Variants in MKNK2 observed in about 807,000 individuals in gnomAD.
MKNK2 encodes the protein MAPK interacting serine/threonine kinase 2, also known as MAP kinase-interacting serine/threonine-protein kinase 2.
Under a neutral mutation model 55.0 loss-of-function variants are expected in MKNK2, and 54 were observed. That is an observed-to-expected ratio of 0.98 (90% confidence interval 0.79 to 1.23). MKNK2 has a LOEUF of 1.23. Ranked by LOEUF, MKNK2 falls within the 50% of genes most tolerant of loss-of-function variation. The pLI is 0.00. For missense variants in MKNK2, 685 were observed against 632.1 expected (o/e 1.08, Z -0.90); for synonymous variants, 323 against 256.0 (o/e 1.26, Z -2.50).
chr19:2,042,741 G>A, intron 8 of MKNK2, 25 bp downstream of exon 8: 1 of 1,553,534 alleles, frequency 6.4e-7, no homozygotes. Flanking sequence ...GGCCCTAGGA[G>A]ACTCCGGGCG....
At chr19:2,048,086 G>A (rs558270345) in intron 2 of MKNK2, among the ~76,000 whole-genome samples, 1 of 152,236 alleles carries the variant, frequency 6.6e-6, no homozygotes, top group African/African-American at 2.4e-5. Context: ...GCCCTGCCCA[G>A]ACCACATCCT....
At chr19:2,048,322 G>A (rs912474832) in intron 2 of MKNK2, among the ~76,000 whole-genome samples, 1 of 152,162 alleles carries the variant, frequency 6.6e-6, no homozygotes, top group African/African-American at 2.4e-5. Context: ...GCTTTGCCCA[G>A]CCCCCGTGGA....
chr19:2,050,877 G>A lies in MKNK2; in HGVS notation c.-26C>T. The A allele has an allele frequency of 6.6e-7, 1 of 1,507,536 alleles. No homozygotes were observed. Among genetic ancestry groups the A allele is most frequent in the Non-Finnish European group, 8.9e-7 (1 of 1,128,624 alleles). 93.4% of individuals were successfully genotyped at this position (1,507,536 alleles called of 1,614,324 possible). A position where few individuals can be genotyped will look rare whatever the true frequency, so the allele number is the denominator to read the frequency against. Reference sequence around the variant, plus strand: ...CTTCTGTCCGGGCCCCGCCAGCGGGGGAGGGGACCGAGGGCCCGGGGGGAG... The same window carrying A: ...CTTCTGTCCGGGCCCCGCCAGCGGGAGAGGGGACCGAGGGCCCGGGGGGAG... On this transcript the variant is annotated 5_prime_UTR_variant, in exon 2 of 14. Coordinates refer to ENST00000250896, the MANE Select transcript of MKNK2 (RefSeq NM_199054.3).
intron 5 of MKNK2, among the ~76,000 whole-genome samples, chr19:2,043,835 G>A (rs1394856701): frequency 1.3e-5 from 2 of 152,080 alleles, no homozygotes; most frequent in African/African-American, 4.8e-5. Context: ...TTAGCTGGGT[G>A]TGGTGGTACA....
In MKNK2 at chr19:2,041,207, G is replaced by C. The variant is rs1433838468; in HGVS notation, c.946-3C>G. The C allele has an allele frequency of 4.3e-6, 7 of 1,611,046 alleles. No homozygotes were observed. Among genetic ancestry groups the C allele is most frequent in the Non-Finnish European group, 5.9e-6 (7 of 1,178,146 alleles). On this transcript the variant is annotated splice_region_variant and splice_polypyrimidine_tract_variant and intron_variant, in intron 11 of 13. Transcript: ENST00000250896. Reference sequence around the variant, plus strand: ...TGGATGCTCTCAAACAGCATGTTCTGGGGACATAGAACACAGGGGAGCTTA... The same window carrying C: ...TGGATGCTCTCAAACAGCATGTTCTCGGGACATAGAACACAGGGGAGCTTA...
At position 2,046,739 on chromosome 19, in the gene MKNK2, C is replaced by T. The variant is rs778263475; in HGVS notation, c.52-48G>A. ...GGCACTCAGGCCCCATCCCTGCCCA[C>T]GCAGCAGGGAGACCTATCCTGCCCC... On this transcript the variant is annotated intron_variant, in intron 2 of 13. Coordinates refer to ENST00000250896, the MANE Select transcript of MKNK2 (RefSeq NM_199054.3). 62 of 1,395,376 alleles carry T rather than the reference C, an allele frequency of 4.4e-5. No individual in the cohort carries two copies. In the East Asian group the frequency reaches 8.3e-4, roughly 19 times the overall value. The allele number at this position is 1,395,376 out of a possible 1,614,324, so 86.4% of individuals were successfully genotyped here. A position where few individuals can be genotyped will look rare whatever the true frequency, so the allele number is the denominator to read the frequency against.
At chr19:2,046,142 C>T (rs762159977) in intron 5 of MKNK2, 44 bp downstream of exon 5, 20 of 1,575,362 alleles carry the variant, frequency 1.3e-5, no homozygotes, top group Admixed American at 3.3e-5. Context: ...CGCTCAACAC[C>T]GATCCCAAGG....
chr19:2,043,553 C>T lies in MKNK2; in HGVS notation c.369G>A (p.Arg123=), dbSNP rs2016937885. 1 of 1,614,096 alleles carries T rather than the reference C, an allele frequency of 6.2e-7. No homozygotes were observed. Among genetic ancestry groups the T allele is most frequent in the African/African-American group, 1.3e-5 (1 of 75,034 alleles). ...TCTCCACCTCCCTGAAAACCCTGCT[C>T]CGAATGTGGCCTGGCTGCTTCTCAA... The part of the protein sequence containing the change: ...KIIEKQPGHI[R]SRVFREVEML... The change falls in exon 6 of 14, where the codon CGG becomes CGA. Residue 123 remains arginine, a synonymous_variant. Transcript: ENST00000250896.
Position 2,038,996 on chromosome 19 carries a change from G to A in MKNK2, c.*617C>T, listed in dbSNP as rs151164086. 6 of 986,066 alleles carry A rather than the reference G, an allele frequency of 6.1e-6. No individual in the cohort carries two copies. Among genetic ancestry groups the A allele is most frequent in the Admixed American group, 6.1e-5 (1 of 16,320 alleles). The allele number at this position is 986,066 out of a possible 1,614,324, so 61.1% of individuals were successfully genotyped here. A position where few individuals can be genotyped will look rare whatever the true frequency, so the allele number is the denominator to read the frequency against. On this transcript the variant is annotated 3_prime_UTR_variant, in exon 14 of 14. Coordinates refer to ENST00000250896, the MANE Select transcript of MKNK2 (RefSeq NM_199054.3). ...CAACTATCATGGGGACAAGGCAGGC[G>A]CGGGTGAAGGGCTGGGGGATCCCAT...
intron 7 of MKNK2, 105 bp downstream of exon 7, chr19:2,043,019 G>A (rs2016925978): frequency 1.5e-6 from 2 of 1,294,806 alleles, no homozygotes; most frequent in Non-Finnish European, 1.1e-6. Context: ...CACCATTTGG[G>A]CAGGACACTC....
Position 2,046,618 on chromosome 19 carries a change from C to T in MKNK2, c.125G>A (p.Cys42Tyr). The T allele has an allele frequency of 6.4e-7, 1 of 1,568,088 alleles. No homozygotes were observed. Among genetic ancestry groups the T allele is most frequent in the East Asian group, 2.3e-5 (1 of 43,374 alleles). Reference protein sequence around the residue: ...DHGDSDFGLQCSARPDMPASQ... With the variant: ...DHGDSDFGLQYSARPDMPASQ... The stretch of plus-strand genomic sequence containing the variant: ...GGGCCCCTCACCAGGGCGGGCTGAG[C>T]ACTGCAGGCCAAAGTCAGAGTCTCC... Residue 42 changes from cysteine (C) to tyrosine (Y), a missense_variant, in exon 3 of 14, where the codon TGC (cysteine) becomes TAC (tyrosine). Cys to Tyr is a radical substitution (Grantham distance 194). Coordinates refer to ENST00000250896, the MANE Select transcript of MKNK2 (RefSeq NM_199054.3).
chr19:2,040,240 G>A (rs1482651428), intron 12 of MKNK2, 63 bp from the exon 13 acceptor site: 24 of 1,397,570 alleles, frequency 1.7e-5, no homozygotes, highest in East Asian at 2.4e-5. Flanking sequence ...GGCGCTGGGT[G>A]GGGTGTCTGG....
chr19:2,037,996 G>A lies in MKNK2; in HGVS notation c.*1617C>T, dbSNP rs1236420977. On this transcript the variant is annotated 3_prime_UTR_variant, in exon 14 of 14. Coordinates refer to ENST00000250896, the MANE Select transcript of MKNK2 (RefSeq NM_199054.3). ...GAAACATGGAATCACTGACAGGCGAGAAGTGATGGGGGAAAGGGGTGGGCG... is the reference window on the plus strand; with the variant it reads ...GAAACATGGAATCACTGACAGGCGAAAAGTGATGGGGGAAAGGGGTGGGCG... 3 of 1,369,040 alleles carry A rather than the reference G, an allele frequency of 2.2e-6. No individual in the cohort carries two copies. Among genetic ancestry groups the A allele is most frequent in the Non-Finnish European group, 2.8e-6 (3 of 1,053,630 alleles). The allele number at this position is 1,369,040 out of a possible 1,614,324, so 84.8% of individuals were successfully genotyped here.
rs756411912 is a variant in MKNK2, at chr19:2,037,757, G to T, written c.*1856C>A. 103 of 1,601,894 alleles carry T rather than the reference G, an allele frequency of 6.4e-5. No homozygotes were observed. Among genetic ancestry groups the T allele is most frequent in the Non-Finnish European group, 8.5e-5 (100 of 1,172,376 alleles). ...AGGATCTTCACTCATTCACAGTAAC[G>T]GTTCTGACCAGTCCTCCAGGTCGCA... On this transcript the variant is annotated 3_prime_UTR_variant, in exon 14 of 14. Coordinates refer to ENST00000250896, the MANE Select transcript of MKNK2 (RefSeq NM_199054.3).
chr19:2,041,773 G>C (rs2016888877), intron 11 of MKNK2, 67 bp downstream of exon 11: 1 of 1,347,576 alleles, frequency 7.4e-7, no homozygotes, highest in African/African-American at 1.5e-5. Context: ...CCTGGGGTTA[G>C]GGGGTGTTCA....
At chr19:2,039,958 C>A in intron 13 of MKNK2, 102 bp from the exon 14 acceptor site, 2 of 1,442,946 alleles carry the variant, frequency 1.4e-6, no homozygotes, top group East Asian at 2.3e-5. Context: ...GCCCCCCTCC[C>A]AGCCCCCACC....
chr19:2,046,338 C>G lies in MKNK2; in HGVS notation c.241+29G>C, dbSNP rs200750466. 1.9e-6 allele frequency: 3 copies of G among 1,604,622 alleles called. No homozygotes were observed. The South Asian group carries it at 3.3e-5, about 18-fold the overall frequency. On this transcript the variant is annotated intron_variant, in intron 4 of 13. Coordinates refer to ENST00000250896, the MANE Select transcript of MKNK2 (RefSeq NM_199054.3). Reference sequence around the variant, plus strand: ...GACCCTGGCTTTTCCCCGCTCCCGGCTCCCCCAATGCCCGCCATCCCCGCT... The same window carrying G: ...GACCCTGGCTTTTCCCCGCTCCCGGGTCCCCCAATGCCCGCCATCCCCGCT...
intron 11 of MKNK2, 134 bp from the exon 12 acceptor site, chr19:2,041,338 G>A (rs1187635254): frequency 8.0e-6 from 7 of 870,660 alleles, no homozygotes; most frequent in Admixed American, 5.7e-5. Context: ...GGCAGAGGGG[G>A]CTGGGAGCCG....
In MKNK2 at chr19:2,040,564, CAG is replaced by C. The variant is rs1458490383; in HGVS notation, c.1111-389_1111-388del. 140 of 290,178 alleles carry C rather than the reference CAG, an allele frequency of 4.8e-4. 1 individual carries two copies. The East Asian group carries it at 8.6e-3, about 18-fold the overall frequency. The allele number at this position is 290,178 out of a possible 1,614,324, so 18.0% of individuals were successfully genotyped here. A position where few individuals can be genotyped will look rare whatever the true frequency, so the allele number is the denominator to read the frequency against. ...GCCCCCAGCCCCTCGCCTGGGGACA[CAG>C]AGTGACCCCAGCTTCTATTTTTAGT... On this transcript the variant is annotated intron_variant, in intron 12 of 13. Coordinates refer to ENST00000250896, the MANE Select transcript of MKNK2 (RefSeq NM_199054.3).
Sources: gnomAD v4.1 joint callset for allele counts (sites outside exome capture counted in the v4.1 genomes callset) on GRCh38, gnomAD v4.1.1 for gene constraint, MANE v1.5 for transcripts, NCBI Gene and HGNC (gene_info 2026-07-23, HGNC 2026-07-21) for gene names.